The following RPH3A variants were observed in gnomAD, a reference collection of about 807,000 sequenced individuals.
RPH3A encodes rabphilin-3A.
Under a neutral mutation model 102.2 loss-of-function variants are expected in RPH3A, and 48 were observed. The observed-to-expected ratio is 0.47, with a 90% CI of 0.37 to 0.60. The LOEUF is 0.60. RPH3A is among the 20% of genes least tolerant of loss of function. The probability of loss-of-function intolerance (pLI) is 0.00; values close to 1 mark genes in which losing one functional copy is unlikely to be tolerated. For missense variants in RPH3A, 781 were observed against 910.1 expected (o/e 0.86, Z 1.83); for synonymous variants, 310 against 324.3 (o/e 0.96, Z 0.47).
chr12:112,871,698 T>C (rs1224985978), intron 10 of RPH3A, among the ~76,000 whole-genome samples: 4 of 150,076 alleles, frequency 2.7e-5, no homozygotes, highest in Admixed American at 6.7e-5. Context: ...TGTATTTATA[T>C]AGTGTATATA....
At chr12:112,857,647 G>A (rs2042431904) in intron 5 of RPH3A, among the ~76,000 whole-genome samples, 1 of 152,158 alleles carries the variant, frequency 6.6e-6, no homozygotes, top group African/African-American at 2.4e-5. Flanking sequence ...CTTTAGCCTT[G>A]ACCTCTAGAG....
chr12:112,666,714 T>C (rs913107289), intron 1 of RPH3A, among the ~76,000 whole-genome samples: 3 of 152,090 alleles, frequency 2.0e-5, no homozygotes, highest in Non-Finnish European at 4.4e-5. Context: ...AGTAGGTTCT[T>C]AGAGGTAAAA....
intron 1 of RPH3A, among the ~76,000 whole-genome samples, chr12:112,785,354 G>A (rs1037186404): frequency 6.6e-6 from 1 of 152,134 alleles, no homozygotes; most frequent in African/African-American, 2.4e-5. Flanking sequence ...TAATGCTATG[G>A]AGGTGATGGA....
intron 5 of RPH3A, among the ~76,000 whole-genome samples, chr12:112,852,209 C>A (rs533449698): frequency 1.3e-5 from 2 of 152,118 alleles, no homozygotes; most frequent in African/African-American, 2.4e-5. Flanking sequence ...ATTAGTCTGG[C>A]CTGAGCTCCT....
chr12:112,687,533 G>A (rs1274882767), intron 1 of RPH3A, among the ~76,000 whole-genome samples: 2 of 152,184 alleles, frequency 1.3e-5, no homozygotes, highest in East Asian at 3.8e-4. Flanking sequence ...TCAGGGAGAA[G>A]GAGATTTGGA....
chr12:112,599,332 A>G (rs993515748), intron 1 of RPH3A, among the ~76,000 whole-genome samples: 3 of 152,190 alleles, frequency 2.0e-5, no homozygotes, highest in African/African-American at 7.2e-5. Context: ...AGAAGAAGAA[A>G]ACCATAAAAC....
At chr12:112,582,979 T>C (rs2135959288) in intron 1 of RPH3A, among the ~76,000 whole-genome samples, 1 of 152,302 alleles carries the variant, frequency 6.6e-6, no homozygotes, top group South Asian at 2.1e-4. Flanking sequence ...CATGGATAAA[T>C]GCCCCAGAAA....
rs144986884 is a variant in RPH3A at position 112,672,807 on chromosome 12, C to T, written c.-140+97488C>T. Among the ~76,000 whole-genome samples the T allele has an allele frequency of 8.9e-3, 1,353 of 152,280 alleles. 16 individuals carry two copies. Among genetic ancestry groups the T allele is most frequent in the African/African-American group, 0.03 (1,251 of 41,548 alleles). Reference sequence around the variant, plus strand: ...TCCCATTTTAGGGCTGAAAGTCTCGCTTCCGAAGAGACCTTGCAGTCCTAG... The same window carrying T: ...TCCCATTTTAGGGCTGAAAGTCTCGTTTCCGAAGAGACCTTGCAGTCCTAG... On this transcript the variant is annotated intron_variant, in intron 1 of 21. Coordinates refer to the RPH3A transcript ENST00000543106.
At chr12:112,644,366 A>T (rs561952291) in intron 1 of RPH3A, among the ~76,000 whole-genome samples, 47 of 152,204 alleles carry the variant, frequency 3.1e-4, no homozygotes, top group Non-Finnish European at 6.2e-4. Context: ...CTGCTGGGGA[A>T]CACTGGGAGA....
intron 2 of RPH3A, 123 bp from the exon 3 acceptor site, chr12:112,828,178 A>G: frequency 1.4e-6 from 1 of 697,958 alleles, no homozygotes; most frequent in South Asian, 1.8e-5. Flanking sequence ...TGGAAAATGA[A>G]GAAACTGGAT....
At chr12:112,601,121 G>A (rs1038666210) in intron 1 of RPH3A, among the ~76,000 whole-genome samples, 34 of 152,192 alleles carry the variant, frequency 2.2e-4, no homozygotes, top group Non-Finnish European at 3.5e-4. Flanking sequence ...ATAATTCAAG[G>A]TGAGATTTGG....
At chr12:112,580,686 G>C (rs969627397) in intron 1 of RPH3A, among the ~76,000 whole-genome samples, 22 of 152,086 alleles carry the variant, frequency 1.4e-4, no homozygotes, top group African/African-American at 4.8e-4. Flanking sequence ...GATTATAGAC[G>C]TGAGCCACCG....
chr12:112,829,305 G>T (rs950108381), intron 3 of RPH3A, among the ~76,000 whole-genome samples: 4 of 149,352 alleles, frequency 2.7e-5, no homozygotes, highest in African/African-American at 7.4e-5. Context: ...ACAGGGTCTT[G>T]CTCCTTTGCC....
chr12:112,768,501 G>T (rs2189272), intron 1 of RPH3A, among the ~76,000 whole-genome samples: 1 of 152,246 alleles, frequency 6.6e-6, no homozygotes, highest in African/African-American at 2.4e-5. Context: ...CTTTGCACTT[G>T]CATTCCCTCC....
intron 2 of RPH3A, among the ~76,000 whole-genome samples, chr12:112,805,723 T>A (rs181247189): frequency 5.7e-4 from 87 of 152,294 alleles, no homozygotes; most frequent in African/African-American, 2.0e-3. Flanking sequence ...TAAAAGCACA[T>A]GTTCATTTTT....
At chr12:112,775,652 G>T (rs535285859) in intron 1 of RPH3A, among the ~76,000 whole-genome samples, 2 of 152,204 alleles carry the variant, frequency 1.3e-5, no homozygotes, top group Admixed American at 6.5e-5. Flanking sequence ...GGCAGGGGAG[G>T]GAACCATGGA....
At chr12:112,726,075 G>T (rs1052799164) in intron 1 of RPH3A, among the ~76,000 whole-genome samples, 1 of 148,610 alleles carries the variant, frequency 6.7e-6, no homozygotes, top group South Asian at 2.2e-4. Flanking sequence ...GATTGCAGGC[G>T]TGAGCCACCG....
chr12:112,869,523 T>C (rs1468116267), intron 8 of RPH3A: 1 of 527,002 alleles, frequency 1.9e-6, no homozygotes, highest in African/African-American at 1.9e-5. Context: ...GAAGGCTGTA[T>C]AGCATAATTG....
intron 4 of RPH3A, among the ~76,000 whole-genome samples, chr12:112,845,797 T>C (rs1179660328): frequency 6.6e-6 from 1 of 151,946 alleles, no homozygotes; most frequent in African/African-American, 2.4e-5. Context: ...TGGTGGGAGA[T>C]AAAGGGGCAA....
Sources: allele counts gnomAD v4.1 joint callset (sites outside exome capture counted in the v4.1 genomes callset), GRCh38; gene constraint gnomAD v4.1.1; transcripts MANE v1.5; gene names NCBI Gene and HGNC (gene_info 2026-07-23, HGNC 2026-07-21).